The following STK24 variants were observed in gnomAD, a reference collection of about 807,000 sequenced individuals.
STK24 encodes the protein serine/threonine-protein kinase 24.
A neutral mutation model predicts 55.6 loss-of-function variants in STK24; 21 were observed. The observed-to-expected ratio is 0.38, with a 90% confidence interval of 0.27 to 0.54. STK24 has a LOEUF of 0.54. Among genes scored for constraint, STK24 ranks in the 20% least tolerant of loss-of-function variants. The pLI, the probability that STK24 is intolerant of heterozygous loss-of-function variation, is 0.79. For missense variants in STK24, 383 were observed against 538.4 expected (o/e 0.71, Z 2.86); for synonymous variants, 200 against 215.2 (o/e 0.93, Z 0.62).
In STK24 at chr13:98,446,718, CCTCT is replaced by C; in HGVS notation, c.*6451_*6454del. ...CTGCTCGGCTACTCGCTCACCATCCCCTCTGAGTCCGAGAACATCCAGAAAGACT... is the reference window on the plus strand; with the variant it reads ...CTGCTCGGCTACTCGCTCACCATCCCGAGTCCGAGAACATCCAGAAAGACT... On this transcript the variant is annotated 3_prime_UTR_variant, in exon 11 of 11. Coordinates refer to ENST00000539966, the MANE Select transcript of STK24 (RefSeq NM_001032296.4). The C allele has an allele frequency of 6.2e-7, 1 of 1,614,206 alleles. No individual in the cohort carries two copies. The highest frequency in any genetic ancestry group is 8.5e-7 in the Non-Finnish European group (1 of 1,180,036).
chr13:98,569,295 G>C (rs1191421180), intron 1 of STK24, among the ~76,000 whole-genome samples: 1 of 151,394 alleles, frequency 6.6e-6, no homozygotes, highest in Non-Finnish European at 1.5e-5. Context: ...TCAACTGAGG[G>C]AGAAGAAAAA....
chr13:98,507,451 G>C (rs1004742333), intron 2 of STK24, among the ~76,000 whole-genome samples: 2 of 152,176 alleles, frequency 1.3e-5, no homozygotes, highest in Middle Eastern at 3.2e-3. Context: ...GTTGATAGTA[G>C]AAGAAAAGGA....
At chr13:98,560,916 A>C (rs902058321) in intron 1 of STK24, among the ~76,000 whole-genome samples, 10 of 151,966 alleles carry the variant, frequency 6.6e-5, no homozygotes, top group Non-Finnish European at 5.9e-5. Context: ...AAAAAAAAAA[A>C]AACCATAATT....
chr13:98,457,040 G>T, intron 10 of STK24, 128 bp downstream of exon 10: 1 of 1,143,890 alleles, frequency 8.7e-7, no homozygotes, highest in Non-Finnish European at 1.2e-6. Context: ...ATTCAACTCT[G>T]TCTACCCTGA....
intron 5 of STK24, among the ~76,000 whole-genome samples, chr13:98,473,473 G>T (rs1249735367): frequency 6.6e-6 from 1 of 151,734 alleles, no homozygotes; most frequent in Non-Finnish European, 1.5e-5. Context: ...TTAAAATAAA[G>T]AGAATGGACT....
intron 1 of STK24, among the ~76,000 whole-genome samples, chr13:98,543,244 C>A (rs1228729773): frequency 1.3e-5 from 2 of 152,152 alleles, no homozygotes; most frequent in East Asian, 3.9e-4. Context: ...ATAATTCAAC[C>A]AATGTGCTCC....
Position 98,446,749 on chromosome 13 carries a change from C to T in STK24, c.*6424G>A, listed in dbSNP as rs149257625. On this transcript the variant is annotated 3_prime_UTR_variant, in exon 11 of 11. Transcript: ENST00000539966. Reference sequence around the variant, plus strand: ...AGTCCGAGAACATCCAGAAAGACTACGTGTTCAAGCTGCACTTCAAGTCCC... The same window carrying T: ...AGTCCGAGAACATCCAGAAAGACTATGTGTTCAAGCTGCACTTCAAGTCCC... 245 of 1,614,160 alleles carry T rather than the reference C, an allele frequency of 1.5e-4. No individual in the cohort carries two copies. Among genetic ancestry groups the T allele is most frequent in the Middle Eastern group, 1.2e-3 (7 of 6,062 alleles).
rs185509979 is a variant in STK24 at position 98,517,566 on chromosome 13, G to A, written c.273+1677C>T. On this transcript the variant is annotated intron_variant, in intron 2 of 10. Transcript: ENST00000539966. ...AATCGCTTGAACCCGGGAGGCGGAG[G>A]GGGCAGTGAACTGAGATCGCCCCAC... Among the ~76,000 whole-genome samples the A allele has an allele frequency of 9.2e-5, 14 of 152,186 alleles. No individual in the cohort carries two copies. In the East Asian group the frequency reaches 2.5e-3, roughly 27 times the overall value.
intron 2 of STK24, among the ~76,000 whole-genome samples, chr13:98,517,592 T>A (rs534587037): frequency 6.6e-6 from 1 of 152,178 alleles, no homozygotes; most frequent in South Asian, 2.1e-4. Context: ...ATCGCCCCAC[T>A]ACACTCCAGT....
chr13:98,499,258 A>G (rs754467948), intron 2 of STK24, among the ~76,000 whole-genome samples: 6 of 152,076 alleles, frequency 3.9e-5, no homozygotes, highest in Non-Finnish European at 7.4e-5. Flanking sequence ...ACCAGCTTCA[A>G]GTAAGGGCCT....
intron 2 of STK24, among the ~76,000 whole-genome samples, chr13:98,490,926 G>C (rs1895006027): frequency 6.6e-6 from 1 of 152,040 alleles, no homozygotes; most frequent in Non-Finnish European, 1.5e-5. Context: ...CAGTGAAGGA[G>C]AGGCTAGATG....
rs1893241403 is a variant in STK24, at chr13:98,452,378, T to C, written c.*795A>G. On this transcript the variant is annotated 3_prime_UTR_variant, in exon 11 of 11. Coordinates refer to ENST00000539966, the MANE Select transcript of STK24 (RefSeq NM_001032296.4). Reference sequence around the variant, plus strand: ...ATTTAAAGCTTCATGAGGCAAGATATGTTCCAATTTAAAACACTAAGAAAT... The same window carrying C: ...ATTTAAAGCTTCATGAGGCAAGATACGTTCCAATTTAAAACACTAAGAAAT... The C allele has an allele frequency of 6.6e-6, 1 of 152,536 alleles. No individual in the cohort carries two copies. The highest frequency in any genetic ancestry group is 1.5e-5 in the Non-Finnish European group (1 of 68,034). The allele number at this position is 152,536 out of a possible 1,614,324, so 9.4% of individuals were successfully genotyped here.
chr13:98,519,035 C>T (rs539098805), intron 2 of STK24, among the ~76,000 whole-genome samples: 6 of 152,316 alleles, frequency 3.9e-5, no homozygotes. Context: ...AGAATTAGAA[C>T]ATCAAACACT....
At chr13:98,514,479 G>C (rs1895988629) in intron 2 of STK24, among the ~76,000 whole-genome samples, 1 of 152,212 alleles carries the variant, frequency 6.6e-6, no homozygotes, top group Admixed American at 6.5e-5. Flanking sequence ...CTTTCATAGA[G>C]TACTTAGTTT....
intron 2 of STK24, among the ~76,000 whole-genome samples, chr13:98,514,702 C>T (rs536631937): frequency 7.8e-4 from 119 of 152,242 alleles, no homozygotes; most frequent in South Asian, 3.7e-3. Context: ...TTTAAGACCT[C>T]GCACCTGATT....
At chr13:98,534,148 G>C (rs1160246999) in intron 1 of STK24, among the ~76,000 whole-genome samples, 1 of 152,158 alleles carries the variant, frequency 6.6e-6, no homozygotes, top group Admixed American at 6.5e-5. Flanking sequence ...CAGCACCCCC[G>C]GAGTCCCCAC....
At position 98,448,601 on chromosome 13, in the gene STK24, C is replaced by CA. The variant is rs1893013417; in HGVS notation, c.*4571_*4572insT. The CA allele has an allele frequency of 1.9e-5, 7 of 378,182 alleles. No individual in the cohort carries two copies. The allele number at this position is 378,182 out of a possible 1,614,324, so 23.4% of individuals were successfully genotyped here. ...GAGAGTGCCAAATGACATCTTCCCTCCACCCTGCCCCTGAAAAACAGTACA... is the reference window on the plus strand; with the variant it reads ...GAGAGTGCCAAATGACATCTTCCCTCACACCCTGCCCCTGAAAAACAGTACA... On this transcript the variant is annotated 3_prime_UTR_variant, in exon 11 of 11. Transcript: ENST00000539966.
At chr13:98,570,011 G>A (rs1216288312) in intron 1 of STK24, among the ~76,000 whole-genome samples, 3 of 151,890 alleles carry the variant, frequency 2.0e-5, no homozygotes, top group South Asian at 2.1e-4. Context: ...CAAGTAGCTG[G>A]GAATACATGC....
At chr13:98,498,168 G>A (rs769353876) in intron 2 of STK24, among the ~76,000 whole-genome samples, 1 of 152,214 alleles carries the variant, frequency 6.6e-6, no homozygotes, top group Non-Finnish European at 1.5e-5. Context: ...TATGATAGAC[G>A]TCTGCACTGG....
Sources: allele counts gnomAD v4.1 joint callset (sites outside exome capture counted in the v4.1 genomes callset), GRCh38; gene constraint gnomAD v4.1.1; transcripts MANE v1.5; gene names NCBI Gene and HGNC (gene_info 2026-07-23, HGNC 2026-07-21).